Variants in YPEL2 observed in about 807,000 individuals in gnomAD.
YPEL2 encodes the protein protein yippee-like 2.
Under a neutral mutation model 19.1 loss-of-function variants are expected in YPEL2, and 2 were observed. The ratio of observed to expected loss-of-function variants is 0.10; its 90% CI spans 0.04 to 0.33. YPEL2 has a LOEUF of 0.33. YPEL2 is among the 10% of genes least tolerant of loss of function. YPEL2 has a pLI of 1.00. For synonymous variants in YPEL2, 52 were observed against 50.0 expected (o/e 1.04, Z -0.17); for missense variants, 66 against 140.7 (o/e 0.47, Z 2.68).
At position 59,400,925 on chromosome 17, in the gene YPEL2, T is replaced by C. The variant is rs75041602; in HGVS notation, c.*3735T>C. 6.7e-3 allele frequency: 1,029 copies of C among 152,732 alleles called. 8 individuals are homozygous for C. The highest frequency in any genetic ancestry group is 0.031 in the Middle Eastern group (9 of 294). 9.5% of individuals were successfully genotyped at this position (152,732 alleles called of 1,614,324 possible). On this transcript the variant is annotated 3_prime_UTR_variant, in exon 5 of 5. Coordinates refer to ENST00000312655, the MANE Select transcript of YPEL2 (RefSeq NM_001005404.4). ...AGGATTTGTTTTGAGTATGGAGCTG[T>C]TGCGGGTTTGCTCCTTTTTCTTGCT... is the stretch of plus-strand genomic sequence containing the variant.
rs553316534 is a variant in YPEL2 at position 59,366,527 on chromosome 17, G to A, written c.117+13001G>A. Among the ~76,000 whole-genome samples, 11 of 152,228 alleles carry A rather than the reference G, an allele frequency of 7.2e-5. No individual in the cohort carries two copies. The East Asian group carries it at 1.2e-3, about 16-fold the overall frequency. ...GGTCCCTGTCCTCCCCTGCAGAGTC[G>A]GCCTGAGCTAGCCCAGCCGAGTCGG... On this transcript the variant is annotated intron_variant, in intron 2 of 4. Coordinates refer to ENST00000312655, the MANE Select transcript of YPEL2 (RefSeq NM_001005404.4).
chr17:59,385,964 C>T (rs886495111), intron 2 of YPEL2, among the ~76,000 whole-genome samples: 1 of 152,128 alleles, frequency 6.6e-6, no homozygotes, highest in African/African-American at 2.4e-5. Flanking sequence ...TCAGGGAGCT[C>T]ACAGTCTACT....
chr17:59,389,216 T>A, intron 3 of YPEL2, 144 bp from the exon 4 acceptor site: 1 of 618,240 alleles, frequency 1.6e-6, no homozygotes, highest in Non-Finnish European at 2.8e-6. Context: ...GGCCACCTTT[T>A]GGGGATTGGT....
At chr17:59,338,049 C>T (rs1187005272) in intron 1 of YPEL2, among the ~76,000 whole-genome samples, 1 of 152,212 alleles carries the variant, frequency 6.6e-6, no homozygotes, top group Non-Finnish European at 1.5e-5. Flanking sequence ...AGCAGTGCCA[C>T]CTGCATTCCT....
intron 4 of YPEL2, among the ~76,000 whole-genome samples, chr17:59,391,178 T>TCA (rs2048005479): frequency 1.3e-5 from 2 of 152,152 alleles, no homozygotes; most frequent in Non-Finnish European, 2.9e-5. Context: ...CCCTGTCCTG[T>TCA]CATATGGCTC....
chr17:59,364,479 C>T (rs556523144), intron 2 of YPEL2, among the ~76,000 whole-genome samples: 4 of 152,294 alleles, frequency 2.6e-5, no homozygotes, highest in South Asian at 4.1e-4. Flanking sequence ...TTCCCCCCTG[C>T]GTCTTCTGAG....
chr17:59,375,013 A>G (rs565285207), intron 2 of YPEL2, among the ~76,000 whole-genome samples: 2 of 152,334 alleles, frequency 1.3e-5, no homozygotes, highest in East Asian at 1.9e-4. Flanking sequence ...GGAATCAGGA[A>G]GCTCTAAGGA....
intron 2 of YPEL2, among the ~76,000 whole-genome samples, chr17:59,385,098 TA>T (rs919483488): frequency 1.3e-5 from 2 of 152,100 alleles, no homozygotes; most frequent in African/African-American, 4.8e-5. Flanking sequence ...AATCTCTTAT[TA>T]AAACCAAACC....
chr17:59,397,219 C>T lies in YPEL2; in HGVS notation c.*29C>T, dbSNP rs113433818. ...GACAGCATCTACCCAACCCAGTGTC[C>T]ACGTGAACGCCATTCAACCGAACAT... On this transcript the variant is annotated 3_prime_UTR_variant, in exon 5 of 5. Coordinates refer to ENST00000312655, the MANE Select transcript of YPEL2 (RefSeq NM_001005404.4). 6.6e-7 allele frequency: 1 copy of T among 1,519,166 alleles called. No homozygotes were observed. Among genetic ancestry groups the T allele is most frequent in the Non-Finnish European group, 8.9e-7 (1 of 1,119,104 alleles). The allele number at this position is 1,519,166 out of a possible 1,614,324, so 94.1% of individuals were successfully genotyped here. A position where few individuals can be genotyped will look rare whatever the true frequency, so the allele number is the denominator to read the frequency against.
intron 2 of YPEL2, chr17:59,363,367 G>T (rs966922726): frequency 2.6e-5 from 4 of 152,456 alleles, no homozygotes; most frequent in African/African-American, 9.7e-5. Flanking sequence ...CAGTGCAGTG[G>T]CGTGATCTCT....
intron 1 of YPEL2, among the ~76,000 whole-genome samples, chr17:59,349,363 T>C (rs533908833): frequency 1.9e-3 from 276 of 144,316 alleles, no homozygotes; most frequent in African/African-American, 5.1e-3. Flanking sequence ...TTTTTCTTTT[T>C]TTTTTTTTTT....
At chr17:59,370,604 A>G (rs9912732) in intron 2 of YPEL2, among the ~76,000 whole-genome samples, 99,379 of 151,872 alleles carry the variant, frequency 0.65, 34,150 homozygotes, top group African/African-American at 0.87. Flanking sequence ...TCCTTCTCAG[A>G]CTGTCTGCCT....
At chr17:59,350,065 G>T in intron 1 of YPEL2, among the ~76,000 whole-genome samples, 1 of 151,958 alleles carries the variant, frequency 6.6e-6, no homozygotes, top group African/African-American at 2.4e-5. Flanking sequence ...TCAGCAAGCC[G>T]CTTTTTCTTC....
intron 2 of YPEL2, among the ~76,000 whole-genome samples, chr17:59,363,583 G>A (rs763993068): frequency 1.1e-4 from 16 of 152,322 alleles, no homozygotes; most frequent in Non-Finnish European, 2.2e-4. Flanking sequence ...AAAATGCTGG[G>A]ATTACAGGCA....
intron 2 of YPEL2, among the ~76,000 whole-genome samples, chr17:59,381,321 C>T (rs995673288): frequency 7.2e-5 from 11 of 152,174 alleles, no homozygotes; most frequent in Non-Finnish European, 1.0e-4. Flanking sequence ...CCCCATCTCT[C>T]TCTGCACCTC....
At chr17:59,383,573 CAAAAAAAAAAAAAAAAAAAAAA>C (rs1159710758) in intron 2 of YPEL2, among the ~76,000 whole-genome samples, 2 of 26,144 alleles carry the variant, frequency 7.6e-5, no homozygotes, top group Admixed American at 1.0e-3. Flanking sequence ...GACTCTGTCT[CAAAAAAAAAAAAAAAAAAAAAA>C]AAAAAAAAAA....
At chr17:59,376,810 G>GT (rs555491932) in intron 2 of YPEL2, among the ~76,000 whole-genome samples, 101 of 151,972 alleles carry the variant, frequency 6.6e-4, no homozygotes, top group African/African-American at 2.3e-3. Flanking sequence ...ATAGTCAGGC[G>GT]TGGTGGTGGG....
chr17:59,377,958 C>A (rs1360079714), intron 2 of YPEL2, among the ~76,000 whole-genome samples: 1 of 152,204 alleles, frequency 6.6e-6, no homozygotes, highest in Non-Finnish European at 1.5e-5. Flanking sequence ...TTCATCTTCA[C>A]CACGTCCCTC....
chr17:59,338,868 G>T (rs1308179153), intron 1 of YPEL2, among the ~76,000 whole-genome samples: 1 of 152,182 alleles, frequency 6.6e-6, no homozygotes, highest in African/African-American at 2.4e-5. Flanking sequence ...TTTTCAGGAT[G>T]GGGAATTTGT....
Sources: gnomAD v4.1 joint callset for allele counts (sites outside exome capture counted in the v4.1 genomes callset) on GRCh38, gnomAD v4.1.1 for gene constraint, MANE v1.5 for transcripts, NCBI Gene and HGNC (gene_info 2026-07-23, HGNC 2026-07-21) for gene names.